The following AGMO variants were observed in gnomAD, a reference collection of about 807,000 sequenced individuals.
AGMO encodes alkylglycerol monooxygenase, also known as glyceryl-ether monooxygenase.
Under a neutral mutation model 60.2 loss-of-function variants are expected in AGMO, and 75 were observed. The ratio of observed to expected loss-of-function variants is 1.25; its 90% CI spans 1.03 to 1.51. The LOEUF (loss-of-function observed/expected upper bound fraction) is 1.51. Ranked by LOEUF, AGMO falls within the 40% of genes most tolerant of loss-of-function variation. The pLI is 0.00. For synonymous variants in AGMO, 261 were observed against 177.1 expected, an observed-to-expected ratio of 1.47 and a Z score of -3.76; for missense variants, 763 against 525.5, an observed-to-expected ratio of 1.45 and a Z score of -4.42.
In AGMO at chr7:15,433,524, C is replaced by T. The variant is rs370424917; in HGVS notation, c.410-2416G>A. On this transcript the variant is annotated intron_variant, in intron 3 of 12. Transcript: ENST00000342526. Reference sequence around the variant, plus strand: ...ATTTTCAAAAGTGATTATGAAAATGCATTTTATGGAAAGTTATTCCAGTAG... The same window carrying T: ...ATTTTCAAAAGTGATTATGAAAATGTATTTTATGGAAAGTTATTCCAGTAG... Among the ~76,000 whole-genome samples the T allele has an allele frequency of 4.6e-5, 7 of 151,954 alleles. 1 individual carries two copies. In the East Asian group the frequency reaches 9.6e-4, roughly 21 times the overall value.
chr7:15,155,019 T>C, the AGMO span, among the ~76,000 whole-genome samples: 3 of 152,218 alleles, frequency 2.0e-5, no homozygotes, highest in Non-Finnish European at 4.4e-5. Context: ...TTTCTCTAGC[T>C]GCCTTTCAGA....
chr7:15,429,287 G>T (rs564084088), intron 4 of AGMO, among the ~76,000 whole-genome samples: 1 of 152,150 alleles, frequency 6.6e-6, no homozygotes, highest in African/African-American at 2.4e-5. Flanking sequence ...GAAATAATTA[G>T]TTAAGATTAT....
intron 12 of AGMO, among the ~76,000 whole-genome samples, chr7:15,280,202 T>C (rs1290726049): frequency 2.0e-5 from 3 of 152,070 alleles, no homozygotes; most frequent in Non-Finnish European, 2.9e-5. Flanking sequence ...ATGGCCTGGG[T>C]CAGATTTTAG....
chr7:15,499,531 C>T lies in AGMO; in HGVS notation c.409+45241G>A, dbSNP rs141577329. The stretch of plus-strand genomic sequence containing the variant: ...GAGAAGTTGTGAGAAAACTGGCACT[C>T]TCATGCAATGTTGATGCATATACAA... On this transcript the variant is annotated intron_variant, in intron 3 of 12. Transcript: ENST00000342526. 5.6e-3 allele frequency among the ~76,000 whole-genome samples: 849 copies of T among 151,966 alleles called. 12 individuals are homozygous for T. Among genetic ancestry groups the T allele is most frequent in the African/African-American group, 0.019 (799 of 41,516 alleles).
At chr7:15,301,420 CAG>C (rs917351660) in intron 12 of AGMO, among the ~76,000 whole-genome samples, 1 of 151,240 alleles carries the variant, frequency 6.6e-6, no homozygotes, top group Admixed American at 6.6e-5. Context: ...GCCTGGGAGA[CAG>C]AGAGAGCTTC....
the AGMO span, among the ~76,000 whole-genome samples, chr7:15,189,482 G>C: frequency 1.3e-5 from 2 of 152,204 alleles, no homozygotes; most frequent in Admixed American, 6.5e-5. Context: ...AGATAGAACT[G>C]GTATCTTTTA....
chr7:15,326,559 G>C (rs537946922), intron 12 of AGMO, among the ~76,000 whole-genome samples: 2 of 152,140 alleles, frequency 1.3e-5, no homozygotes, highest in Non-Finnish European at 2.9e-5. Flanking sequence ...AGCTCCTCTT[G>C]CCTTACTCTT....
At chr7:15,268,813 A>C (rs935506743) in intron 12 of AGMO, among the ~76,000 whole-genome samples, 1 of 151,958 alleles carries the variant, frequency 6.6e-6, no homozygotes, top group African/African-American at 2.4e-5. Flanking sequence ...GACAATGTAA[A>C]GATGAAATTA....
intron 12 of AGMO, among the ~76,000 whole-genome samples, chr7:15,243,440 T>C (rs1782650502): frequency 6.6e-6 from 1 of 152,054 alleles, no homozygotes; most frequent in Admixed American, 6.6e-5. Context: ...TCCAGATCCA[T>C]CTATTTTATT....
At chr7:15,354,470 A>G (rs867642222) in intron 12 of AGMO, among the ~76,000 whole-genome samples, 278 of 27,594 alleles carry the variant, frequency 0.01, 23 homozygotes, top group African/African-American at 0.034. Flanking sequence ...ACGTGTGTGT[A>G]TACACACGTG....
chr7:15,407,606 T>C (rs1431143355), intron 5 of AGMO, among the ~76,000 whole-genome samples: 2 of 151,796 alleles, frequency 1.3e-5, no homozygotes, highest in East Asian at 1.9e-4. Flanking sequence ...ATTGGAAACA[T>C]TGATTTGAAA....
chr7:15,472,171 C>T (rs1035758482), intron 3 of AGMO, among the ~76,000 whole-genome samples: 1 of 151,858 alleles, frequency 6.6e-6, no homozygotes, highest in African/African-American at 2.4e-5. Flanking sequence ...CTTCACTCTA[C>T]CTGGTACTCA....
chr7:15,165,048 C>T, the AGMO span, among the ~76,000 whole-genome samples: 1 of 152,124 alleles, frequency 6.6e-6, no homozygotes, highest in East Asian at 1.9e-4. Flanking sequence ...TGGAATACTA[C>T]ACAGTCATGA....
chr7:15,318,384 T>G (rs914973555), intron 12 of AGMO, among the ~76,000 whole-genome samples: 1 of 152,138 alleles, frequency 6.6e-6, no homozygotes, highest in Non-Finnish European at 1.5e-5. Flanking sequence ...AATTTCAGAT[T>G]TCTGCTGAAA....
At chr7:15,244,649 GT>G (rs1449317821) in intron 12 of AGMO, among the ~76,000 whole-genome samples, 6 of 151,532 alleles carry the variant, frequency 4.0e-5, no homozygotes, top group African/African-American at 1.5e-4. Flanking sequence ...TTGTTTGTTT[GT>G]TTGTTTTGTT....
chr7:15,451,133 C>T (rs1193907779), intron 3 of AGMO, among the ~76,000 whole-genome samples: 3 of 151,780 alleles, frequency 2.0e-5, no homozygotes, highest in Non-Finnish European at 2.9e-5. Flanking sequence ...AGAATTTTAG[C>T]TGGGTTTCTG....
At chr7:15,385,313 T>C (rs1356694855) in intron 10 of AGMO, 133 bp downstream of exon 10, 11 of 589,892 alleles carry the variant, frequency 1.9e-5, no homozygotes, top group East Asian at 2.9e-5. Context: ...CCTATTTAAA[T>C]GTGAGACGTT....
chr7:15,503,093 G>A (rs565464875), intron 3 of AGMO, among the ~76,000 whole-genome samples: 2 of 152,178 alleles, frequency 1.3e-5, no homozygotes, highest in East Asian at 3.9e-4. Context: ...ACCACTTTAA[G>A]TCATTCATTC....
In AGMO at chr7:15,498,353, T is replaced by C. The variant is rs542121002; in HGVS notation, c.409+46419A>G. 4.9e-3 allele frequency among the ~76,000 whole-genome samples: 738 copies of C among 152,144 alleles called. 6 individuals are homozygous for C. The highest frequency in any genetic ancestry group is 0.017 in the African/African-American group (705 of 41,548). On this transcript the variant is annotated intron_variant, in intron 3 of 12. Transcript: ENST00000342526. ...ATTTAGTAGTTTCAAGTCTAACTAT[T>C]TTTTGCATCAGAAAACTGATTAATA...
Sources: gnomAD v4.1 joint callset for allele counts (sites outside exome capture counted in the v4.1 genomes callset) on GRCh38, gnomAD v4.1.1 for gene constraint, MANE v1.5 for transcripts, NCBI Gene and HGNC (gene_info 2026-07-23, HGNC 2026-07-21) for gene names.